The following TIAM1 variants were observed in gnomAD, a reference collection of about 807,000 sequenced individuals.
TIAM1 encodes TIAM Rac1 associated GEF 1.
A neutral mutation model predicts 163.5 loss-of-function variants in TIAM1; 65 were observed. That is an observed-to-expected ratio of 0.40 (90% CI 0.33 to 0.49). TIAM1 has a LOEUF of 0.49. Among genes scored for constraint, TIAM1 ranks in the 20% least tolerant of loss-of-function variants. TIAM1 has a pLI of 0.77. For missense variants in TIAM1, 1,789 were observed against 2,044.7 expected (o/e 0.87, Z 2.41); for synonymous variants, 833 against 810.1 (o/e 1.03, Z -0.48).
Position 31,396,297 on chromosome 21 carries a change from C to T in TIAM1, c.-368-56875G>A, listed in dbSNP as rs143699936. 4.4e-3 allele frequency among the ~76,000 whole-genome samples: 664 copies of T among 152,270 alleles called. 4 individuals carry two copies. The highest frequency in any genetic ancestry group is 0.015 in the African/African-American group (621 of 41,556). On this transcript the variant is annotated intron_variant, in intron 2 of 28. Coordinates refer to the TIAM1 transcript ENST00000286827. ...GCCTGCCCCATTCCTGCCTTTCCCACGCATGCCTCCTGCCAATCTTCAATA... is the reference window on the plus strand; with the variant it reads ...GCCTGCCCCATTCCTGCCTTTCCCATGCATGCCTCCTGCCAATCTTCAATA...
intron 2 of TIAM1, among the ~76,000 whole-genome samples, chr21:31,438,707 A>C (rs2044310469): frequency 6.6e-6 from 1 of 152,116 alleles, no homozygotes; most frequent in African/African-American, 2.4e-5. Flanking sequence ...AAACCCTCCA[A>C]AGGTCAAAAG....
At chr21:31,412,341 G>A (rs528109185) in intron 2 of TIAM1, among the ~76,000 whole-genome samples, 209 of 152,156 alleles carry the variant, frequency 1.4e-3, no homozygotes, top group African/African-American at 4.8e-3. Flanking sequence ...TGTTATTTGG[G>A]CCATTGGTAC....
At chr21:31,242,788 T>A (rs779886105) in intron 6 of TIAM1, among the ~76,000 whole-genome samples, 97 of 143,758 alleles carry the variant, frequency 6.7e-4, no homozygotes, top group Non-Finnish European at 2.2e-4. Context: ...ATAGAACCTG[T>A]CTCAGAAAAG....
chr21:31,289,641 T>C lies in TIAM1; in HGVS notation c.-188-12733A>G, dbSNP rs373020249. On this transcript the variant is annotated intron_variant, in intron 2 of 27. Transcript: ENST00000541036. Reference sequence around the variant, plus strand: ...AGAGAATAAAAAGCATATGAAGTCATTGCGAATCAGATTTGTTATGTAGAA... The same window carrying C: ...AGAGAATAAAAAGCATATGAAGTCACTGCGAATCAGATTTGTTATGTAGAA... 5.3e-5 allele frequency among the ~76,000 whole-genome samples: 8 copies of C among 152,170 alleles called. No homozygotes were observed. The East Asian group carries it at 1.2e-3, about 22-fold the overall frequency.
chr21:31,181,332 A>G (rs2085000586), intron 15 of TIAM1, among the ~76,000 whole-genome samples: 1 of 152,158 alleles, frequency 6.6e-6, no homozygotes, highest in Non-Finnish European at 1.5e-5. Flanking sequence ...AGCAAGTAAG[A>G]ATCGCATGAT....
rs35813534 is a variant in TIAM1 at position 31,489,006 on chromosome 21, G to GAAA, written c.-421-24974_-421-24972dup. ...CCAAGGAAAATGCATGCTACAATCA[G>GAAA]AAAAAAAAAAATACTTGCCAAGCAT... is the stretch of plus-strand genomic sequence containing the variant. On this transcript the variant is annotated intron_variant, in intron 1 of 28. Transcript: ENST00000286827. 2.6e-3 allele frequency among the ~76,000 whole-genome samples: 393 copies of GAAA among 148,578 alleles called. 1 individual carries two copies. Among genetic ancestry groups the GAAA allele is most frequent in the Non-Finnish European group, 3.9e-3 (259 of 67,266 alleles).
intron 12 of TIAM1, among the ~76,000 whole-genome samples, chr21:31,199,743 C>A (rs542835049): frequency 2.0e-5 from 3 of 151,464 alleles, no homozygotes; most frequent in Middle Eastern, 3.4e-3. Flanking sequence ...GTTGGCCAAG[C>A]TGGTCTCGAA....
chr21:31,535,089 C>CAA (rs756003129), intron 1 of TIAM1, among the ~76,000 whole-genome samples: 1 of 139,896 alleles, frequency 7.1e-6, no homozygotes, highest in Admixed American at 7.2e-5. Context: ...GACCCTGTCT[C>CAA]AAAAAAAAAA....
At chr21:31,246,457 C>T (rs1362459609) in intron 5 of TIAM1, among the ~76,000 whole-genome samples, 2 of 152,202 alleles carry the variant, frequency 1.3e-5, no homozygotes, top group Non-Finnish European at 2.9e-5. Context: ...ATGAGCTGAA[C>T]ATTTACTCCA....
intron 15 of TIAM1, among the ~76,000 whole-genome samples, chr21:31,174,781 G>A (rs4816391): frequency 0.066 from 10,001 of 152,146 alleles, 774 homozygotes; most frequent in East Asian, 0.25. Flanking sequence ...CTGAGTAGCT[G>A]GGATTACAGG....
In TIAM1 at chr21:31,262,047, TTC is replaced by T. The variant is rs59838589; in HGVS notation, c.963+3961_963+3962del. On this transcript the variant is annotated intron_variant, in intron 4 of 27. Coordinates refer to ENST00000541036, the MANE Select transcript of TIAM1 (RefSeq NM_001353694.2). ...TATAAGGCTCCATCAAACGGCAGGTTTCTCTCTCTCTCCAACTCACCCACTGA... is the reference window on the plus strand; with the variant it reads ...TATAAGGCTCCATCAAACGGCAGGTTTCTCTCTCTCCAACTCACCCACTGA... Among the ~76,000 whole-genome samples, 198 of 152,226 alleles carry T rather than the reference TTC, an allele frequency of 1.3e-3. 2 individuals are homozygous for T. Among genetic ancestry groups the T allele is most frequent in the African/African-American group, 4.6e-3 (193 of 41,542 alleles).
upstream of TIAM1, among the ~76,000 whole-genome samples, chr21:31,346,359 G>A (rs975508837): frequency 5.1e-4 from 77 of 152,244 alleles, no homozygotes; most frequent in African/African-American, 1.4e-3. Flanking sequence ...GCATTCAATC[G>A]CTGAGAACCA....
Position 31,421,497 on chromosome 21 carries a change from A to T in TIAM1, c.-369+42486T>A, listed in dbSNP as rs539474754. 5.3e-5 allele frequency among the ~76,000 whole-genome samples: 8 copies of T among 152,298 alleles called. 1 individual carries two copies. The South Asian group carries it at 8.3e-4, about 16-fold the overall frequency. ...CCTGTCAGATCAGCGGTGACATCAG[A>T]TTCTCATAGGAGCATGAACCCTGTT... On this transcript the variant is annotated intron_variant, in intron 2 of 28. Transcript: ENST00000286827.
intron 2 of TIAM1, among the ~76,000 whole-genome samples, chr21:31,325,053 G>C (rs1436090949): frequency 6.6e-6 from 1 of 151,958 alleles, no homozygotes; most frequent in African/African-American, 2.4e-5. Context: ...GCCGAGGCAG[G>C]CAGATCACTT....
At chr21:31,424,287 A>G (rs1224589052) in intron 2 of TIAM1, among the ~76,000 whole-genome samples, 1 of 152,234 alleles carries the variant, frequency 6.6e-6, no homozygotes, top group African/African-American at 2.4e-5. Context: ...TCAGAAGTTC[A>G]GTGATTTGTC....
rs542059289 is a variant in TIAM1, at chr21:31,169,121, C to T, written c.2888-4056G>A. Among the ~76,000 whole-genome samples, 4 of 152,082 alleles carry T rather than the reference C, an allele frequency of 2.6e-5. No individual in the cohort carries two copies. In the South Asian group the frequency reaches 8.3e-4, roughly 32 times the overall value. On this transcript the variant is annotated intron_variant, in intron 15 of 27. Transcript: ENST00000541036. ...CCAGTGTGGCCAACACGGTGAAATG[C>T]CATCTCTACTAAAAATACAAAAATT... is the stretch of plus-strand genomic sequence containing the variant.
In TIAM1 at chr21:31,369,234, AG is replaced by A. The variant is rs200653331; in HGVS notation, c.-368-29813del. On this transcript the variant is annotated intron_variant, in intron 2 of 28. Transcript: ENST00000286827. ...GAGCGAGAATCCATCTCAAAAAAAA[AG>A]AAAGAAAGAAAGAAAGGGATGATAA... Among the ~76,000 whole-genome samples the A allele has an allele frequency of 6.0e-3, 880 of 145,574 alleles. 39 individuals carry two copies. The highest frequency in any genetic ancestry group is 0.023 in the African/African-American group (832 of 35,804).
intron 4 of TIAM1, among the ~76,000 whole-genome samples, chr21:31,253,360 G>A (rs1172006075): frequency 6.6e-6 from 1 of 152,208 alleles, no homozygotes; most frequent in Non-Finnish European, 1.5e-5. Context: ...AAACTAACCA[G>A]ATATTCTGAA....
chr21:31,148,803 T>A lies in TIAM1; in HGVS notation c.3367-1800A>T, dbSNP rs571306653. On this transcript the variant is annotated intron_variant, in intron 19 of 27. Coordinates refer to ENST00000541036, the MANE Select transcript of TIAM1 (RefSeq NM_001353694.2). Reference sequence around the variant, plus strand: ...CCCAATGTTTCTGTTCTGTAGGACTTCAGAACGCTTCTCACAGGCTGACGT... The same window carrying A: ...CCCAATGTTTCTGTTCTGTAGGACTACAGAACGCTTCTCACAGGCTGACGT... Among the ~76,000 whole-genome samples the A allele has an allele frequency of 2.0e-5, 3 of 152,322 alleles. No homozygotes were observed. In the East Asian group the frequency reaches 5.8e-4, roughly 29 times the overall value.
Sources: gnomAD v4.1 joint callset for allele counts (sites outside exome capture counted in the v4.1 genomes callset) on GRCh38, gnomAD v4.1.1 for gene constraint, MANE v1.5 for transcripts, NCBI Gene and HGNC (gene_info 2026-07-23, HGNC 2026-07-21) for gene names.